The following CCDC158 variants were observed in gnomAD, a reference collection of about 807,000 sequenced individuals.
The protein encoded by CCDC158 is coiled-coil domain-containing protein 158.
In CCDC158, 116 loss-of-function variants were observed where a neutral mutation model predicts 138.6. The observed-to-expected ratio is 0.84, with a 90% CI of 0.72 to 0.98. The LOEUF is 0.98. CCDC158 is among the 50% of genes least tolerant of loss of function. The probability of loss-of-function intolerance (pLI) is 0.00; values close to 1 mark genes in which losing one functional copy is unlikely to be tolerated. For synonymous variants in CCDC158, 436 were observed against 442.4 expected (o/e 0.99, Z 0.18); for missense variants, 1,265 against 1,306.1 (o/e 0.97, Z 0.48).
chr4:76,358,786 A>G (rs1225498420), intron 13 of CCDC158, among the ~76,000 whole-genome samples: 1 of 152,020 alleles, frequency 6.6e-6, no homozygotes, highest in African/African-American at 2.4e-5. Flanking sequence ...ACCCATTTCT[A>G]TCTAGGTTTA....
chr4:76,367,169 A>G lies in CCDC158; in HGVS notation c.1830+125T>C, dbSNP rs556483117. 3,330 of 1,068,192 alleles carry G rather than the reference A, an allele frequency of 3.1e-3. 16 individuals carry two copies. The highest frequency in any genetic ancestry group is 8.1e-3 in the Middle Eastern group (28 of 3,468). 66.2% of individuals were successfully genotyped at this position (1,068,192 alleles called of 1,614,324 possible). A position where few individuals can be genotyped will look rare whatever the true frequency, so the allele number is the denominator to read the frequency against. Reference sequence around the variant, plus strand: ...TTCTCACAAAAACACACATATACACATAGAAACAAACACCTTCCAACAGTT... The same window carrying G: ...TTCTCACAAAAACACACATATACACGTAGAAACAAACACCTTCCAACAGTT... On this transcript the variant is annotated intron_variant, in intron 12 of 24. Coordinates refer to ENST00000682701, the MANE Select transcript of CCDC158 (RefSeq NM_001394954.1).
At chr4:76,371,829 T>G (rs1725271429) in intron 9 of CCDC158, among the ~76,000 whole-genome samples, 1 of 151,892 alleles carries the variant, frequency 6.6e-6, no homozygotes, top group African/African-American at 2.4e-5. Context: ...TCCCAGCTAC[T>G]TGGGAGGCTG....
At chr4:76,360,065 G>T (rs1323983048) in intron 13 of CCDC158, among the ~76,000 whole-genome samples, 3 of 152,234 alleles carry the variant, frequency 2.0e-5, no homozygotes, top group Non-Finnish European at 4.4e-5. Flanking sequence ...CTGCATTTCA[G>T]CTGCTCCAGT....
intron 12 of CCDC158, among the ~76,000 whole-genome samples, chr4:76,366,004 G>A (rs1195786128): frequency 6.6e-6 from 1 of 152,168 alleles, no homozygotes; most frequent in African/African-American, 2.4e-5. Context: ...TAATAATAGT[G>A]CCTCCCTCAT....
chr4:76,390,460 T>C (rs751145842), intron 4 of CCDC158, among the ~76,000 whole-genome samples: 1 of 151,846 alleles, frequency 6.6e-6, no homozygotes, highest in Non-Finnish European at 1.5e-5. Context: ...AGAGTTGGTA[T>C]AAAACCAACT....
At chr4:76,420,762 C>G (rs1297173545) in intron 1 of CCDC158, among the ~76,000 whole-genome samples, 1 of 152,192 alleles carries the variant, frequency 6.6e-6, no homozygotes, top group African/African-American at 2.4e-5. Context: ...GTTTCAGCGC[C>G]ACCGTCCCCA....
intron 22 of CCDC158, 61 bp from the exon 23 acceptor site, chr4:76,326,076 C>T (rs2110087196): frequency 7.4e-7 from 1 of 1,356,646 alleles, no homozygotes; most frequent in South Asian, 1.3e-5. Flanking sequence ...CAAACTGCAC[C>T]TCTCAAAAAG....
intron 11 of CCDC158, 101 bp downstream of exon 11, chr4:76,369,325 G>C (rs1428410294): frequency 9.4e-7 from 1 of 1,064,082 alleles, no homozygotes; most frequent in Non-Finnish European, 1.3e-6. Flanking sequence ...AGCCATTTTA[G>C]GTCCATATAT....
chr4:76,317,485 A>G (rs571528321), intron 24 of CCDC158, among the ~76,000 whole-genome samples: 3 of 152,196 alleles, frequency 2.0e-5, no homozygotes, highest in Non-Finnish European at 4.4e-5. Context: ...TTATAAAATG[A>G]TTACTACTAG....
intron 4 of CCDC158, among the ~76,000 whole-genome samples, chr4:76,385,550 T>C (rs1343457691): frequency 1.3e-5 from 2 of 152,056 alleles, no homozygotes; most frequent in Admixed American, 6.6e-5. Context: ...AATAGAAATG[T>C]TGCAAGTCAA....
chr4:76,364,236 T>G (rs1427063824), intron 12 of CCDC158, among the ~76,000 whole-genome samples: 1 of 152,206 alleles, frequency 6.6e-6, no homozygotes, highest in Non-Finnish European at 1.5e-5. Context: ...TACCCAATTG[T>G]TGATCAAATC....
rs1295104137 is a variant in CCDC158 at position 76,351,076 on chromosome 4, G to A, written c.2584C>T (p.Arg862Cys). 5.6e-6 allele frequency: 9 copies of A among 1,613,714 alleles called. No individual in the cohort carries two copies. Among genetic ancestry groups the A allele is most frequent in the Admixed American group, 3.3e-5 (2 of 59,990 alleles). Residue 862 changes from arginine (R) to cysteine (C), a missense_variant, in exon 18 of 25, where the codon CGC becomes TGC. By Grantham distance (180) the Arg-to-Cys change is radical. Coordinates refer to ENST00000682701, the MANE Select transcript of CCDC158 (RefSeq NM_001394954.1). ...GYTSNSSLKP[R>C]LLQPASVTRS... Reference sequence around the variant, plus strand: ...GTAACAGATGCTGGCTGGAGAAGGCGTGGTTTCAATGAAGAATTTGAGGTG... The same window carrying A: ...GTAACAGATGCTGGCTGGAGAAGGCATGGTTTCAATGAAGAATTTGAGGTG...
intron 3 of CCDC158, among the ~76,000 whole-genome samples, chr4:76,398,419 C>A (rs1386345340): frequency 6.6e-6 from 1 of 152,118 alleles, no homozygotes; most frequent in African/African-American, 2.4e-5. Context: ...GTAATCCTAG[C>A]ACTTTGGGAG....
chr4:76,367,769 G>T lies in CCDC158; in HGVS notation c.1355C>A (p.Ala452Glu). 6.3e-7 allele frequency: 1 copy of T among 1,597,676 alleles called. No homozygotes were observed. Among genetic ancestry groups the T allele is most frequent in the South Asian group, 1.1e-5 (1 of 89,516 alleles). ...CQGQMERQMA[A>E]IQGKNESLEK... ...TAGACTTTCATTCTTTCCTTGAATT[G>T]CTGCCATCTGATTGTTAAAGAAAAG... The change falls in exon 12 of 25, where the codon GCA (alanine) becomes GAA (glutamate). Residue 452 changes from alanine (A) to glutamate (E), a missense_variant. By Grantham distance (107) the Ala-to-Glu change is moderately radical (BLOSUM62 -1). Transcript: ENST00000682701.
At chr4:76,394,666 GA>G (rs1727614049) in intron 4 of CCDC158, among the ~76,000 whole-genome samples, 1 of 152,056 alleles carries the variant, frequency 6.6e-6, no homozygotes, top group Non-Finnish European at 1.5e-5. Context: ...ATAAATGCTT[GA>G]GAGGATGGAA....
intron 9 of CCDC158, chr4:76,375,415 T>C (rs1725622643): frequency 1.0e-5 from 5 of 493,348 alleles, no homozygotes; most frequent in Middle Eastern, 2.8e-4. Context: ...TATGGAATAA[T>C]AAGGGATGCT....
chr4:76,375,360 T>G (rs962424585), intron 9 of CCDC158: 1 of 442,444 alleles, frequency 2.3e-6, no homozygotes, highest in Admixed American at 4.1e-5. Context: ...GGTTTGTCTG[T>G]TGGTGGTGGT....
At chr4:76,371,214 T>G (rs1725204234) in intron 10 of CCDC158, among the ~76,000 whole-genome samples, 1 of 152,350 alleles carries the variant, frequency 6.6e-6, no homozygotes, top group East Asian at 1.9e-4. Context: ...AATACTGTAA[T>G]AGCTCTGCTT....
At chr4:76,316,095 T>A (rs531901048) in intron 24 of CCDC158, among the ~76,000 whole-genome samples, 57 of 152,296 alleles carry the variant, frequency 3.7e-4, no homozygotes, top group African/African-American at 1.4e-3. Flanking sequence ...TTGCCAGCAA[T>A]GCAGTTAAAC....
Sources: allele counts gnomAD v4.1 joint callset (sites outside exome capture counted in the v4.1 genomes callset), GRCh38; gene constraint gnomAD v4.1.1; transcripts MANE v1.5; gene names NCBI Gene and HGNC (gene_info 2026-07-23, HGNC 2026-07-21).